ARHGAP10: variants seen among roughly 807,000 people sequenced by gnomAD.
ARHGAP10 encodes the protein Rho GTPase activating protein 10, also known as rho GTPase-activating protein 10.
In ARHGAP10, 87 loss-of-function variants were observed where a neutral mutation model predicts 108.6. That is an observed-to-expected ratio of 0.80 (90% CI 0.67 to 0.96). The LOEUF (loss-of-function observed/expected upper bound fraction) is 0.96, where lower values mean the gene tolerates loss of function less well. Ranked by LOEUF, ARHGAP10 falls within the 40% of genes least tolerant of loss-of-function variation. The probability of loss-of-function intolerance (pLI) is 0.00; values close to 1 mark genes in which losing one functional copy is unlikely to be tolerated. For synonymous variants in ARHGAP10, 347 were observed against 341.1 expected, an observed-to-expected ratio of 1.02 and a Z score of -0.19; for missense variants, 939 against 954.5, an observed-to-expected ratio of 0.98 and a Z score of 0.21.
intron 1 of ARHGAP10, among the ~76,000 whole-genome samples, chr4:147,808,746 G>T (rs1731888756): frequency 6.6e-6 from 1 of 152,094 alleles, no homozygotes; most frequent in Non-Finnish European, 1.5e-5. Flanking sequence ...TGGCATTTTG[G>T]AGCATTCTCA....
At chr4:147,947,133 C>T (rs534112027) in intron 15 of ARHGAP10, among the ~76,000 whole-genome samples, 1 of 151,156 alleles carries the variant, frequency 6.6e-6, no homozygotes, top group South Asian at 2.1e-4. Flanking sequence ...AAGAAGTTTA[C>T]TTGGTGAGGT....
intron 10 of ARHGAP10, among the ~76,000 whole-genome samples, chr4:147,887,036 C>T (rs1022827546): frequency 1.3e-5 from 2 of 152,158 alleles, no homozygotes; most frequent in Non-Finnish European, 2.9e-5. Flanking sequence ...GGATTACAGG[C>T]GCGAGTCACC....
chr4:148,040,248 A>G (rs1009706743), intron 19 of ARHGAP10, among the ~76,000 whole-genome samples: 1 of 152,238 alleles, frequency 6.6e-6, no homozygotes, highest in Non-Finnish European at 1.5e-5. Context: ...GGCTTCTCCC[A>G]GTCCCTATTT....
chr4:148,039,024 T>C (rs1728503997), intron 19 of ARHGAP10, among the ~76,000 whole-genome samples: 1 of 152,196 alleles, frequency 6.6e-6, no homozygotes. Context: ...TTTAATGGGC[T>C]ATCAACTCCC....
chr4:147,827,771 A>T (rs1732778318), intron 3 of ARHGAP10, among the ~76,000 whole-genome samples: 1 of 152,142 alleles, frequency 6.6e-6, no homozygotes, highest in African/African-American at 2.4e-5. Flanking sequence ...ATAGTCTAAA[A>T]TTGGTTCCAA....
chr4:147,906,568 G>C, intron 10 of ARHGAP10, 70 bp from the exon 11 acceptor site: 1 of 1,515,470 alleles, frequency 6.6e-7, no homozygotes, highest in Non-Finnish European at 9.1e-7. Context: ...GGTTACAACA[G>C]TTAAATCTTA....
At chr4:148,027,726 C>T (rs969852186) in intron 19 of ARHGAP10, among the ~76,000 whole-genome samples, 7 of 151,962 alleles carry the variant, frequency 4.6e-5, no homozygotes, top group Non-Finnish European at 8.8e-5. Flanking sequence ...CACACGTCAA[C>T]GAGAGCAATG....
chr4:147,766,826 ATATATATATATATT>A (rs1384753502), intron 1 of ARHGAP10, among the ~76,000 whole-genome samples: 3,452 of 114,664 alleles, frequency 0.03, 54 homozygotes, highest in South Asian at 0.074. Context: ...ATATATATAT[ATATATATATATATT>A]TATTTATTTA....
At chr4:147,770,392 G>A (rs984157502) in intron 1 of ARHGAP10, among the ~76,000 whole-genome samples, 2 of 152,144 alleles carry the variant, frequency 1.3e-5, no homozygotes, top group Admixed American at 6.5e-5. Flanking sequence ...GGGCATGGTG[G>A]TGGGCGCCTG....
chr4:147,912,645 C>CCTT (rs1736804011), intron 12 of ARHGAP10, among the ~76,000 whole-genome samples: 1 of 35,302 alleles, frequency 2.8e-5, no homozygotes, highest in Admixed American at 5.7e-4. Flanking sequence ...TAGCCTTAAG[C>CCTT]TTTTTTTTTT....
rs1307141954 is a variant in ARHGAP10 at position 147,870,020 on chromosome 4, G to C, written c.702+3204G>C. The stretch of plus-strand genomic sequence containing the variant: ...AGTTTGTGTGTGTGTGTGTGTGTGT[G>C]TGTGTGTGTGTGTGTGTGTGTGTGT... On this transcript the variant is annotated intron_variant, in intron 7 of 22. Coordinates refer to ENST00000336498, the MANE Select transcript of ARHGAP10 (RefSeq NM_024605.4). 1.9e-4 allele frequency among the ~76,000 whole-genome samples: 29 copies of C among 151,494 alleles called. 1 individual carries two copies. The highest frequency in any genetic ancestry group is 4.2e-4 in the South Asian group (2 of 4,762).
intron 1 of ARHGAP10, among the ~76,000 whole-genome samples, chr4:147,752,771 C>T (rs1275941316): frequency 2.6e-5 from 4 of 152,234 alleles, no homozygotes; most frequent in Admixed American, 6.5e-5. Context: ...AAGTGATCCT[C>T]CCACCTTGGC....
intron 10 of ARHGAP10, among the ~76,000 whole-genome samples, chr4:147,898,027 G>A (rs997826156): frequency 2.0e-5 from 3 of 151,794 alleles, no homozygotes; most frequent in South Asian, 4.2e-4. Flanking sequence ...CTAATTTTTT[G>A]TATTTTTAGT....
chr4:148,013,452 G>T (rs570202156), intron 18 of ARHGAP10, among the ~76,000 whole-genome samples: 3 of 152,174 alleles, frequency 2.0e-5, no homozygotes, highest in Non-Finnish European at 2.9e-5. Flanking sequence ...ACTTTGGGAG[G>T]CTGGGGCAGG....
At chr4:147,875,725 G>C (rs1302566091) in intron 8 of ARHGAP10, among the ~76,000 whole-genome samples, 1 of 152,182 alleles carries the variant, frequency 6.6e-6, no homozygotes, top group South Asian at 2.1e-4. Context: ...GGTGATAAAA[G>C]ATATTCCTAC....
At chr4:147,990,373 C>T (rs935820682) in intron 18 of ARHGAP10, among the ~76,000 whole-genome samples, 8 of 152,210 alleles carry the variant, frequency 5.3e-5, no homozygotes, top group African/African-American at 1.9e-4. Context: ...TAAGGGCTAA[C>T]AGTCTTAGCT....
intron 18 of ARHGAP10, among the ~76,000 whole-genome samples, chr4:148,012,733 C>T (rs1174558164): frequency 1.3e-5 from 2 of 152,064 alleles, no homozygotes; most frequent in African/African-American, 2.4e-5. Context: ...TTGCAGAGGC[C>T]ACGTCTCATG....
At chr4:147,922,682 C>T (rs1473607077) in intron 13 of ARHGAP10, among the ~76,000 whole-genome samples, 74 of 88,352 alleles carry the variant, frequency 8.4e-4, no homozygotes, top group African/African-American at 2.2e-3. Flanking sequence ...AGCGAGACTC[C>T]GTCTCAAAAA....
At chr4:147,766,285 A>G (rs941196674) in intron 1 of ARHGAP10, among the ~76,000 whole-genome samples, 12 of 152,068 alleles carry the variant, frequency 7.9e-5, no homozygotes, top group African/African-American at 2.7e-4. Context: ...GCAAGACTCC[A>G]TCTGAGGTGG....
Sources: allele counts gnomAD v4.1 joint callset (sites outside exome capture counted in the v4.1 genomes callset), GRCh38; gene constraint gnomAD v4.1.1; transcripts MANE v1.5; gene names NCBI Gene and HGNC (gene_info 2026-07-23, HGNC 2026-07-21).